Variants in RPH3AL observed in about 807,000 individuals in gnomAD.
RPH3AL encodes rabphilin 3A like (without C2 domains).
A neutral mutation model predicts 43.1 loss-of-function variants in RPH3AL; 38 were observed. That is an observed-to-expected ratio of 0.88 (90% CI 0.68 to 1.15). The LOEUF is 1.15. Among genes scored for constraint, RPH3AL ranks in the 50% most tolerant of loss-of-function variants. The pLI, the probability that RPH3AL is intolerant of heterozygous loss-of-function variation, is 0.00. For synonymous variants in RPH3AL, 189 were observed against 176.3 expected (o/e 1.07, Z -0.57); for missense variants, 462 against 423.2 (o/e 1.09, Z -0.81).
At chr17:301,176 C>T (rs936884757) in intron 5 of RPH3AL, among the ~76,000 whole-genome samples, 2 of 152,272 alleles carry the variant, frequency 1.3e-5, no homozygotes, top group Admixed American at 6.5e-5. Context: ...ATCGTGGGCA[C>T]GTAGCCGTCG....
At chr17:273,321 G>T (rs1392250303) in intron 6 of RPH3AL, among the ~76,000 whole-genome samples, 4 of 94,638 alleles carry the variant, frequency 4.2e-5, no homozygotes, top group Admixed American at 1.1e-4. Flanking sequence ...CAGCGAGGGT[G>T]ATGTCAGGGA....
intron 5 of RPH3AL, 138 bp from the exon 6 acceptor site, chr17:281,992 C>A (rs2042792639): frequency 5.9e-6 from 4 of 675,038 alleles, no homozygotes; most frequent in South Asian, 1.7e-5. Context: ...GAATCAATCA[C>A]CCCAGAGGCA....
chr17:272,644 T>C (rs1032540304), intron 6 of RPH3AL, among the ~76,000 whole-genome samples: 7 of 143,646 alleles, frequency 4.9e-5, no homozygotes, highest in South Asian at 2.5e-4. Context: ...TTAGGAGATA[T>C]ACCTAATGCT....
rs934222965 is a variant in RPH3AL, at chr17:245,977, G to A, written c.613+1134C>T. Among the ~76,000 whole-genome samples, 2 of 152,250 alleles carry A rather than the reference G, an allele frequency of 1.3e-5. No individual in the cohort carries two copies. Among genetic ancestry groups the A allele is most frequent in the East Asian group, 1.9e-4 (1 of 5,180 alleles). On this transcript the variant is annotated intron_variant, in intron 7 of 9. Transcript: ENST00000331302. This position sits in a 1 kb window ranked among gnomAD's most constrained non-coding sequence, Gnocchi z 5.9. Reference sequence around the variant, plus strand: ...GAGGAGAGGCTGCTATGAGGGAGTCGGGGTGCTGAGGACAAAGTGCCTGCA... The same window carrying A: ...GAGGAGAGGCTGCTATGAGGGAGTCAGGGTGCTGAGGACAAAGTGCCTGCA...
At chr17:317,509 G>C (rs1158861558) in intron 5 of RPH3AL, among the ~76,000 whole-genome samples, 1 of 144,586 alleles carries the variant, frequency 6.9e-6, no homozygotes, top group South Asian at 2.2e-4. Flanking sequence ...TGTAGTCCCT[G>C]TGCCCCCACC....
intron 5 of RPH3AL, among the ~76,000 whole-genome samples, chr17:317,493 T>C (rs1175866793): frequency 6.1e-5 from 9 of 147,952 alleles, no homozygotes; most frequent in Admixed American, 1.3e-4. Flanking sequence ...CACACCTCCA[T>C]TGACCTGTAG....
Position 323,342 on chromosome 17 carries a change from A to T in RPH3AL, c.78-1927T>A, listed in dbSNP as rs1412782767. On this transcript the variant is annotated intron_variant, in intron 3 of 9. Coordinates refer to ENST00000331302, the MANE Select transcript of RPH3AL (RefSeq NM_006987.4). This position sits in a 1 kb window ranked among gnomAD's most constrained non-coding sequence, Gnocchi z 4.4. ...TGCTGGGGAAGGAAAATACCGGGGCAGCAGGGCAGGGCTGGAAGGGGGGCA... is the reference window on the plus strand; with the variant it reads ...TGCTGGGGAAGGAAAATACCGGGGCTGCAGGGCAGGGCTGGAAGGGGGGCA... Among the ~76,000 whole-genome samples the T allele has an allele frequency of 6.6e-6, 1 of 152,058 alleles. No individual in the cohort carries two copies. Among genetic ancestry groups the T allele is most frequent in the Non-Finnish European group, 1.5e-5 (1 of 68,020 alleles).
At chr17:350,347 C>T (rs575448691) in intron 1 of RPH3AL, among the ~76,000 whole-genome samples, 3 of 152,238 alleles carry the variant, frequency 2.0e-5, no homozygotes, top group East Asian at 3.9e-4. Context: ...CGTGGTGGCA[C>T]GCACTTGTAA....
chr17:268,558 T>TG (rs753043026), intron 6 of RPH3AL, among the ~76,000 whole-genome samples: 1 of 128,314 alleles, frequency 7.8e-6, no homozygotes, highest in Non-Finnish European at 1.7e-5. Context: ...TTTGGGTTTT[T>TG]TTTTTTTTTT....
intron 6 of RPH3AL, among the ~76,000 whole-genome samples, chr17:265,088 G>C (rs2042289100): frequency 6.6e-6 from 1 of 152,150 alleles, no homozygotes; most frequent in African/African-American, 2.4e-5. Context: ...GGAATTAAGA[G>C]ACATTTTTTC....
At chr17:318,549 A>G (rs28606472) in intron 5 of RPH3AL, among the ~76,000 whole-genome samples, 14,765 of 152,130 alleles carry the variant, frequency 0.097, 1,527 homozygotes, top group African/African-American at 0.26. Context: ...GCAGCTACCA[A>G]CCTAGGAGGA....
At chr17:241,543 T>A (rs1041616608) in intron 7 of RPH3AL, among the ~76,000 whole-genome samples, 2 of 152,168 alleles carry the variant, frequency 1.3e-5, no homozygotes, top group African/African-American at 4.8e-5. Flanking sequence ...GGGATGCTCC[T>A]GATACTCTTT....
chr17:269,056 T>C (rs1239655980), intron 6 of RPH3AL, among the ~76,000 whole-genome samples: 1 of 152,104 alleles, frequency 6.6e-6, no homozygotes. Flanking sequence ...TTTTTTGTAT[T>C]TTTAGTAGAG....
intron 6 of RPH3AL, among the ~76,000 whole-genome samples, chr17:262,417 T>C (rs556198200): frequency 6.6e-6 from 1 of 152,260 alleles, no homozygotes; most frequent in South Asian, 2.1e-4. Context: ...GGTTTCACCA[T>C]GTTCGCCGGG....
At chr17:238,644 C>T (rs1019631002) in intron 7 of RPH3AL, among the ~76,000 whole-genome samples, 6 of 152,190 alleles carry the variant, frequency 3.9e-5, no homozygotes, top group African/African-American at 1.2e-4. Context: ...GAACCGAAGC[C>T]GTGGCTCCTT....
chr17:309,580 C>CCGGGATATGGCATGTCCCCCGT (rs1567636226), intron 5 of RPH3AL, among the ~76,000 whole-genome samples: 1 of 39,674 alleles, frequency 2.5e-5, no homozygotes, highest in African/African-American at 6.7e-5. Flanking sequence ...CCTGCCCTGC[C>CCGGGATATGGCATGTCCCCCGT]CCAGGCTCCT....
intron 7 of RPH3AL, 125 bp from the exon 8 acceptor site, chr17:219,861 T>G: frequency 1.5e-6 from 1 of 686,180 alleles, no homozygotes. Flanking sequence ...AGCTGGCCCT[T>G]TCGCTTTGGG....
At position 321,016 on chromosome 17, in the gene RPH3AL, G is replaced by A. The variant is rs117332702; in HGVS notation, c.221+256C>T. 8.9e-3 allele frequency among the ~76,000 whole-genome samples: 1,362 copies of A among 152,266 alleles called. 15 individuals are homozygous for A. Among genetic ancestry groups the A allele is most frequent in the East Asian group, 0.018 (91 of 5,166 alleles). ...GGGAGGCTTCACCAGGCTCATTCAC[G>A]CCCTCAGCATGGGGCGCACAGCTCA... On this transcript the variant is annotated intron_variant, in intron 4 of 9. Transcript: ENST00000331302.
At chr17:258,755 CCGTTTTTTT>C (rs1161145289) in intron 6 of RPH3AL, among the ~76,000 whole-genome samples, 3 of 127,434 alleles carry the variant, frequency 2.4e-5, no homozygotes, top group Admixed American at 7.9e-5. Context: ...GATAGTCAAC[CCGTTTTTTT>C]TTTTTTTTTT....
Sources: gnomAD v4.1 joint callset for allele counts (sites outside exome capture counted in the v4.1 genomes callset) on GRCh38, gnomAD v4.1.1 for gene constraint, Gnocchi (gnomAD v3.1) non-coding constraint, MANE v1.5 for transcripts, NCBI Gene and HGNC (gene_info 2026-07-23, HGNC 2026-07-21) for gene names.